The following MAML2 variants were observed in gnomAD, a reference collection of about 807,000 sequenced individuals.
MAML2 encodes mastermind-like protein 2.
A neutral mutation model predicts 96.1 loss-of-function variants in MAML2; 22 were observed. The ratio of observed to expected loss-of-function variants is 0.23; its 90% CI spans 0.16 to 0.33. MAML2 has a LOEUF of 0.33. MAML2 is among the 10% of genes least tolerant of loss of function. The pLI, the probability that MAML2 is intolerant of heterozygous loss-of-function variation, is 1.00. For missense variants in MAML2, 1,367 were observed against 1,392.4 expected (o/e 0.98, Z 0.29); for synonymous variants, 561 against 521.3 (o/e 1.08, Z -1.04).
intron 1 of MAML2, among the ~76,000 whole-genome samples, chr11:96,256,407 A>C (rs1862669697): frequency 6.6e-6 from 1 of 151,810 alleles, no homozygotes; most frequent in South Asian, 2.1e-4. Flanking sequence ...AAACGACCAC[A>C]TTTCTTCCTG....
chr11:96,236,107 G>A (rs748527461), intron 1 of MAML2, among the ~76,000 whole-genome samples: 3 of 152,242 alleles, frequency 2.0e-5, no homozygotes, highest in Non-Finnish European at 2.9e-5. Context: ...TGACAAAGGC[G>A]AAACTTTCTT....
intron 1 of MAML2, among the ~76,000 whole-genome samples, chr11:96,335,005 G>A (rs1863900393): frequency 6.6e-6 from 1 of 152,210 alleles, no homozygotes; most frequent in Admixed American, 6.5e-5. Context: ...GGCCAAGGTT[G>A]AAGCTAGTCA....
chr11:96,002,687 G>GAGGAGGATGA, intron 2 of MAML2, among the ~76,000 whole-genome samples: 1 of 140,658 alleles, frequency 7.1e-6, no homozygotes, highest in South Asian at 2.4e-4. Context: ...GATGGGGATG[G>GAGGAGGATGA]TGGGGAGCAT....
intron 1 of MAML2, among the ~76,000 whole-genome samples, chr11:96,110,861 A>C (rs1591019291): frequency 6.6e-6 from 1 of 152,222 alleles, no homozygotes; most frequent in East Asian, 1.9e-4. Context: ...CTTGATAACC[A>C]AAGATATTTC....
At chr11:96,104,072 A>T (rs189948913) in intron 1 of MAML2, among the ~76,000 whole-genome samples, 1 of 152,176 alleles carries the variant, frequency 6.6e-6, no homozygotes, top group Non-Finnish European at 1.5e-5. Context: ...CATTCCATCT[A>T]AAGTACATGT....
chr11:96,329,357 C>T (rs1863825794), intron 1 of MAML2, among the ~76,000 whole-genome samples: 2 of 152,164 alleles, frequency 1.3e-5, no homozygotes, highest in South Asian at 2.1e-4. Context: ...TGGACCTCCC[C>T]CTTCCGCCAT....
In MAML2 at chr11:96,028,835, C is replaced by T. The variant is rs1169616383; in HGVS notation, c.2140-37112G>A. On this transcript the variant is annotated intron_variant, in intron 2 of 4. Transcript: ENST00000524717. ...GTATTATTGTATTTACTTCCTGAAACACATAATAATTTTCCAGGTCTTATC... is the reference window on the plus strand; with the variant it reads ...GTATTATTGTATTTACTTCCTGAAATACATAATAATTTTCCAGGTCTTATC... Among the ~76,000 whole-genome samples the T allele has an allele frequency of 5.3e-5, 8 of 152,234 alleles. No individual in the cohort carries two copies. The South Asian group carries it at 1.5e-3, about 28-fold the overall frequency.
chr11:96,127,129 C>G (rs1038201786), intron 1 of MAML2, among the ~76,000 whole-genome samples: 4 of 150,392 alleles, frequency 2.7e-5, no homozygotes, highest in African/African-American at 9.7e-5. Context: ...GCAAAATTAC[C>G]TAAGCAGTTA....
chr11:96,312,241 A>AAAAAAC, intron 1 of MAML2, among the ~76,000 whole-genome samples: 1 of 150,858 alleles, frequency 6.6e-6, no homozygotes, highest in South Asian at 2.1e-4. Context: ...AAAAAAAAAA[A>AAAAAAC]AAAGAATGAG....
chr11:96,253,816 T>G (rs531121309), intron 1 of MAML2, among the ~76,000 whole-genome samples: 1 of 152,320 alleles, frequency 6.6e-6, no homozygotes, highest in South Asian at 2.1e-4. Context: ...AGAATTACAA[T>G]TAGATGGAAA....
chr11:96,095,507 G>C (rs1859810317), intron 1 of MAML2, among the ~76,000 whole-genome samples: 2 of 152,156 alleles, frequency 1.3e-5, no homozygotes, highest in Admixed American at 1.3e-4. Context: ...TTTTGGATTT[G>C]GAGAAAGTGA....
chr11:96,256,254 C>G (rs1366042741), intron 1 of MAML2, among the ~76,000 whole-genome samples: 2 of 152,110 alleles, frequency 1.3e-5, no homozygotes, highest in Non-Finnish European at 2.9e-5. Flanking sequence ...TTAACCGATA[C>G]AGCTAGGAAG....
At chr11:96,146,835 G>T (rs1277425904) in intron 1 of MAML2, among the ~76,000 whole-genome samples, 1 of 152,172 alleles carries the variant, frequency 6.6e-6, no homozygotes, top group African/African-American at 2.4e-5. Context: ...ACTTATTTTT[G>T]TTGAGATTCT....
chr11:96,095,914 C>T (rs1859818760), intron 1 of MAML2, among the ~76,000 whole-genome samples: 2 of 152,144 alleles, frequency 1.3e-5, no homozygotes, highest in South Asian at 4.1e-4. Flanking sequence ...GATTTGCTGA[C>T]TCCTAATCTT....
At chr11:96,306,423 G>T (rs1863462536) in intron 1 of MAML2, among the ~76,000 whole-genome samples, 1 of 152,176 alleles carries the variant, frequency 6.6e-6, no homozygotes. Flanking sequence ...GCAAAAAGGG[G>T]ACTGAACCTA....
intron 1 of MAML2, among the ~76,000 whole-genome samples, chr11:96,146,246 T>C (rs1195806454): frequency 3.3e-5 from 5 of 152,194 alleles, no homozygotes; most frequent in Admixed American, 3.3e-4. Context: ...GGAAACCAGA[T>C]AGGTTTCTTA....
At chr11:96,126,081 C>T (rs557243791) in intron 1 of MAML2, among the ~76,000 whole-genome samples, 6 of 152,242 alleles carry the variant, frequency 3.9e-5, no homozygotes, top group East Asian at 1.9e-4. Context: ...GTAATACTTT[C>T]GTGACATGCT....
At chr11:96,122,855 C>G (rs11021441) in intron 1 of MAML2, among the ~76,000 whole-genome samples, 14,409 of 152,266 alleles carry the variant, frequency 0.095, 857 homozygotes, top group Middle Eastern at 0.2. Context: ...CTGCAAGCCC[C>G]TGCATTATGC....
chr11:96,121,303 A>G (rs1243041463), intron 1 of MAML2, among the ~76,000 whole-genome samples: 1 of 152,158 alleles, frequency 6.6e-6, no homozygotes, highest in Non-Finnish European at 1.5e-5. Context: ...TCATTACAGT[A>G]TATTTCCACT....
Sources: gnomAD v4.1 joint callset for allele counts (sites outside exome capture counted in the v4.1 genomes callset) on GRCh38, gnomAD v4.1.1 for gene constraint, MANE v1.5 for transcripts, NCBI Gene and HGNC (gene_info 2026-07-23, HGNC 2026-07-21) for gene names.